Variants in PGLYRP2 observed in about 807,000 individuals in gnomAD.
The protein encoded by PGLYRP2 is peptidoglycan recognition protein 2.
A neutral mutation model predicts 46.2 loss-of-function variants in PGLYRP2; 38 were observed. The ratio of observed to expected loss-of-function variants is 0.82; its 90% confidence interval spans 0.64 to 1.08. The LOEUF is 1.08. PGLYRP2 is among the 50% of genes least tolerant of loss of function. The pLI is 0.00. For missense variants in PGLYRP2, 713 were observed against 755.9 expected (o/e 0.94, Z 0.67); for synonymous variants, 289 against 329.4 (o/e 0.88, Z 1.33).
In PGLYRP2 at chr19:15,479,352, C is replaced by T; in HGVS notation, c.20G>A (p.Trp7Ter). MAQGVL[W>*]ILLGLLLWSD... ...CCACAGTAGCAATCCGAGTAGGATCCAGAGGACACCCTGGGCCATTGTTGC... is the reference window on the plus strand; with the variant it reads ...CCACAGTAGCAATCCGAGTAGGATCTAGAGGACACCCTGGGCCATTGTTGC... The change falls in exon 1 of 5, where the codon TGG becomes TAG. Residue 7 changes from tryptophan to a stop codon, truncating the protein, a stop_gained. Coordinates refer to ENST00000340880, the MANE Select transcript of PGLYRP2 (RefSeq NM_052890.4). LOFTEE classifies it high-confidence loss of function. 6.2e-7 allele frequency: 1 copy of T among 1,614,104 alleles called. No individual in the cohort carries two copies. The highest frequency in any genetic ancestry group is 8.5e-7 in the Non-Finnish European group (1 of 1,179,990).
At chr19:15,474,247 GA>G (rs1244007758) in intron 2 of PGLYRP2, among the ~76,000 whole-genome samples, 2 of 152,156 alleles carry the variant, frequency 1.3e-5, no homozygotes. Context: ...TGAGGCAGGA[GA>G]AACGCTTGAA....
Position 15,475,828 on chromosome 19 carries a change from A to T in PGLYRP2, c.842T>A (p.Ile281Asn), listed in dbSNP as rs1970789432. ...AFLNGALDGV[I>N]LGDYLSRTPE... Reference sequence around the variant, plus strand: ...AGTCCGGCTCAGGTAGTCTCCAAGGATGACCCCATCCAGGGCGCCATTGAG... The same window carrying T: ...AGTCCGGCTCAGGTAGTCTCCAAGGTTGACCCCATCCAGGGCGCCATTGAG... The change falls in exon 2 of 5, where the codon ATC becomes AAC. Residue 281 changes from isoleucine (I) to asparagine (N), a missense_variant. By Grantham distance (149) the Ile-to-Asn change is moderately radical (BLOSUM62 -3). Coordinates refer to ENST00000340880, the MANE Select transcript of PGLYRP2 (RefSeq NM_052890.4). The T allele has an allele frequency of 6.2e-7, 1 of 1,614,086 alleles. No individual in the cohort carries two copies. The highest frequency in any genetic ancestry group is 1.7e-5 in the Admixed American group (1 of 60,010).
intron 1 of PGLYRP2, among the ~76,000 whole-genome samples, chr19:15,478,545 A>G (rs1157940790): frequency 2.0e-5 from 3 of 152,132 alleles, no homozygotes; most frequent in Non-Finnish European, 4.4e-5. Context: ...GTCCCTTTAC[A>G]GATGAGGCAT....
chr19:15,478,164 T>A (rs1425203285), intron 1 of PGLYRP2, among the ~76,000 whole-genome samples: 1 of 152,116 alleles, frequency 6.6e-6, no homozygotes, highest in Non-Finnish European at 1.5e-5. Flanking sequence ...CTGGCCAACA[T>A]GGTGAAACCC....
chr19:15,478,371 T>G (rs1445392197), intron 1 of PGLYRP2, among the ~76,000 whole-genome samples: 1 of 152,058 alleles, frequency 6.6e-6, no homozygotes, highest in African/African-American at 2.4e-5. Flanking sequence ...AGAACAGACA[T>G]TTATTTCTCA....
At position 15,475,744 on chromosome 19, in the gene PGLYRP2, G is replaced by A. The variant is rs764751474; in HGVS notation, c.926C>T (p.Ala309Val). 1.2e-6 allele frequency: 2 copies of A among 1,613,872 alleles called. No individual in the cohort carries two copies. The highest frequency in any genetic ancestry group is 2.7e-5 in the African/African-American group (2 of 74,922). Residue 309 changes from alanine (A) to valine (V), a missense_variant, in exon 2 of 5, where the codon GCC becomes GTC. By Grantham distance (64) the Ala-to-Val change is moderately conservative. Transcript: ENST00000340880. ...LLSQYYGAGV[A>V]RDPGFRSNFR... ...GTTGCTGCGGAACCCTGGGTCTCTG[G>A]CCACCCCAGCCCCATAGTACTGGCT...
chr19:15,468,850 G>A (rs1444407791), intron 4 of PGLYRP2, 98 bp from the exon 5 acceptor site: 9 of 854,186 alleles, frequency 1.1e-5, no homozygotes, highest in Non-Finnish European at 1.7e-5. Flanking sequence ...GGAGGGGACA[G>A]TGGCCCAAAG....
At position 15,469,172 on chromosome 19, in the gene PGLYRP2, GT is replaced by G. The variant is rs1970719495; in HGVS notation, c.1642-421del. 1.7e-6 allele frequency: 1 copy of G among 583,270 alleles called. No individual in the cohort carries two copies. The highest frequency in any genetic ancestry group is 2.1e-5 in the South Asian group (1 of 46,676). The allele number at this position is 583,270 out of a possible 1,614,324, so 36.1% of individuals were successfully genotyped here. Reference sequence around the variant, plus strand: ...GTGAAGGCAAAAGGTCACAGCCTAGGTTCATGTTGTGTGGACAGAGGGCCTT... The same window carrying G: ...GTGAAGGCAAAAGGTCACAGCCTAGGTCATGTTGTGTGGACAGAGGGCCTT... On this transcript the variant is annotated intron_variant, in intron 4 of 4. Transcript: ENST00000340880. The surrounding 1 kb of genome is among the most constrained non-coding windows in gnomAD (Gnocchi z 4.9).
intron 3 of PGLYRP2, among the ~76,000 whole-genome samples, 200 bp downstream of exon 3, chr19:15,471,690 G>C (rs1970750449): frequency 6.6e-6 from 1 of 152,134 alleles, no homozygotes; most frequent in Admixed American, 6.5e-5. Flanking sequence ...CCATGATTTA[G>C]CTATTCCCGG....
In PGLYRP2 at chr19:15,479,397, G is replaced by T; in HGVS notation, c.-26C>A. On this transcript the variant is annotated 5_prime_UTR_variant, in exon 1 of 5. Coordinates refer to ENST00000340880, the MANE Select transcript of PGLYRP2 (RefSeq NM_052890.4). ...TGTTGCAGGATTCCAGCTTCCAAGG[G>T]GTATTTCTGGTTGGCCTCGGCAGAG... 1 of 1,612,102 alleles carries T rather than the reference G, an allele frequency of 6.2e-7. No homozygotes were observed. The highest frequency in any genetic ancestry group is 8.5e-7 in the Non-Finnish European group (1 of 1,178,944).
chr19:15,477,726 T>TTAAAATAAAA (rs55707700), intron 1 of PGLYRP2, among the ~76,000 whole-genome samples: 18,272 of 144,226 alleles, frequency 0.13, 1,274 homozygotes, highest in Non-Finnish European at 0.15. Context: ...TAAAATTAAA[T>TTAAAATAAAA]TAAAATAAAA....
At position 15,472,036 on chromosome 19, in the gene PGLYRP2, C is replaced by G. The variant is rs1466305563; in HGVS notation, c.1197G>C (p.Leu399=). The stretch of plus-strand genomic sequence containing the variant: ...ACAAGAATCCCAGCGGCAGCTGCAG[C>G]AGCTTCGGGCGGCCCCGATAAGGCG... ...GAAPYRGRPK[L]LQLPLGFLYV... Residue 399 remains leucine (L), a synonymous_variant, in exon 3 of 5, where the codon CTG becomes CTC. Transcript: ENST00000340880. 1.9e-6 allele frequency: 3 copies of G among 1,611,724 alleles called. No homozygotes were observed. In the South Asian group the frequency reaches 3.3e-5, roughly 18 times the overall value.
chr19:15,476,695 C>T (rs1970801329), intron 1 of PGLYRP2, 87 bp from the exon 2 acceptor site: 1 of 1,140,972 alleles, frequency 8.8e-7, no homozygotes, highest in Non-Finnish European at 1.2e-6. Context: ...TGCTCCCAGC[C>T]CTCCATCTGA....
chr19:15,477,916 T>C (rs1439479637), intron 1 of PGLYRP2, among the ~76,000 whole-genome samples: 1 of 152,166 alleles, frequency 6.6e-6, no homozygotes, highest in Non-Finnish European at 1.5e-5. Context: ...ATGTGCTAGC[T>C]ACTAGTCTAG....
rs1197553591 is a variant in PGLYRP2 at position 15,470,286 on chromosome 19, TTCCTTCC to T, written c.1344-364_1344-358del. On this transcript the variant is annotated intron_variant, in intron 3 of 4. Coordinates refer to ENST00000340880, the MANE Select transcript of PGLYRP2 (RefSeq NM_052890.4). ...CTTCCTTCCTTCCTTCCTTCCTTCCTTCCTTCCTTCTTTCTTTCTTTCTTTTTTTGAT... is the reference window on the plus strand; with the variant it reads ...CTTCCTTCCTTCCTTCCTTCCTTCCTTTCTTTCTTTCTTTCTTTTTTTGAT... Among the ~76,000 whole-genome samples, 92 of 136,218 alleles carry T rather than the reference TTCCTTCC, an allele frequency of 6.8e-4. 1 individual carries two copies. Among genetic ancestry groups the T allele is most frequent in the Non-Finnish European group, 7.3e-4 (46 of 63,438 alleles). The allele number at this position is 136,218 out of a possible 152,430, so 89.4% of individuals were successfully genotyped here.
At position 15,469,725 on chromosome 19, in the gene PGLYRP2, GTC is replaced by G; in HGVS notation, c.1546_1547del (p.Asp516LeufsTer34). On this transcript the variant is annotated frameshift_variant, in exon 4 of 5. Coordinates refer to ENST00000340880, the MANE Select transcript of PGLYRP2 (RefSeq NM_052890.4). LOFTEE classifies it high-confidence loss of function. The surrounding 1 kb of genome is among the most constrained non-coding windows in gnomAD (Gnocchi z 4.9). ...GCTGGCGGTGGCCCAGCAGCGCGTAGTCTGGCCGCAGGAGGCCGGCGCGCACC... is the reference window on the plus strand; with the variant it reads ...GCTGGCGGTGGCCCAGCAGCGCGTAGTGGCCGCAGGAGGCCGGCGCGCACC... Reference protein sequence around the residue: ...CAVRAGLLRPDYALLGHRQLV... With the variant: ...CAVRAGLLRPXYALLGHRQLV... 1 of 1,496,208 alleles carries G rather than the reference GTC, an allele frequency of 6.7e-7. No homozygotes were observed. Among genetic ancestry groups the G allele is most frequent in the Non-Finnish European group, 8.9e-7 (1 of 1,129,288 alleles). 92.7% of individuals were successfully genotyped at this position (1,496,208 alleles called of 1,614,324 possible). A position where few individuals can be genotyped will look rare whatever the true frequency, so the allele number is the denominator to read the frequency against.
Position 15,479,494 on chromosome 19 carries a change from C to T in PGLYRP2, c.-123G>A, listed in dbSNP as rs577431868. The T allele has an allele frequency of 1.1e-4, 104 of 958,604 alleles. 1 individual carries two copies. In the South Asian group the frequency reaches 1.3e-3, roughly 12 times the overall value. 59.4% of individuals were successfully genotyped at this position (958,604 alleles called of 1,614,324 possible). A position where few individuals can be genotyped will look rare whatever the true frequency, so the allele number is the denominator to read the frequency against. On this transcript the variant is annotated 5_prime_UTR_variant, in exon 1 of 5. Coordinates refer to ENST00000340880, the MANE Select transcript of PGLYRP2 (RefSeq NM_052890.4). Reference sequence around the variant, plus strand: ...GCCTTTGACCACTGTCAAAGTCCAGCGGCGAATGACAGACCTGCCTCTCGT... The same window carrying T: ...GCCTTTGACCACTGTCAAAGTCCAGTGGCGAATGACAGACCTGCCTCTCGT...
Position 15,469,411 on chromosome 19 carries a change from G to A in PGLYRP2, c.1641+221C>T, listed in dbSNP as rs1327387856. On this transcript the variant is annotated intron_variant, in intron 4 of 4. Coordinates refer to ENST00000340880, the MANE Select transcript of PGLYRP2 (RefSeq NM_052890.4). This position sits in a 1 kb window ranked among gnomAD's most constrained non-coding sequence, Gnocchi z 4.9. ...ACAGGCTGGCTGGGTCTGGGGCTGA[G>A]CTGAGGCTGCATAGGCAGAAGTCAC... is the stretch of plus-strand genomic sequence containing the variant. 1 of 743,424 alleles carries A rather than the reference G, an allele frequency of 1.3e-6. No individual in the cohort carries two copies. Among genetic ancestry groups the A allele is most frequent in the Non-Finnish European group, 2.4e-6 (1 of 421,428 alleles). 46.1% of individuals were successfully genotyped at this position (743,424 alleles called of 1,614,324 possible).
chr19:15,476,767 T>A (rs1490915744), intron 1 of PGLYRP2, among the ~76,000 whole-genome samples, 159 bp from the exon 2 acceptor site: 1 of 149,820 alleles, frequency 6.7e-6, no homozygotes, highest in Non-Finnish European at 1.5e-5. Flanking sequence ...CACAGACTAT[T>A]GCCTGTTGGT....
Sources: gnomAD v4.1 joint callset for allele counts (sites outside exome capture counted in the v4.1 genomes callset) on GRCh38, gnomAD v4.1.1 for gene constraint, Gnocchi (gnomAD v3.1) non-coding constraint, MANE v1.5 for transcripts, NCBI Gene and HGNC (gene_info 2026-07-23, HGNC 2026-07-21) for gene names.